Variants in SPAG16 observed in about 807,000 individuals in gnomAD.
SPAG16 encodes the protein sperm-associated antigen 16 protein.
Under a neutral mutation model 80.4 loss-of-function variants are expected in SPAG16, and 86 were observed. That is an observed-to-expected ratio of 1.07 (90% CI 0.90 to 1.28). The LOEUF (loss-of-function observed/expected upper bound fraction) is 1.28, where lower values mean the gene tolerates loss of function less well. SPAG16 is among the 50% of genes most tolerant of loss of function. SPAG16 has a pLI of 0.00. For missense variants in SPAG16, 870 were observed against 765.3 expected (o/e 1.14, Z -1.61); for synonymous variants, 294 against 265.9 (o/e 1.11, Z -1.03).
Position 213,585,564 on chromosome 2 carries a change from C to G in SPAG16, c.1070+95474C>G, listed in dbSNP as rs1392783213. Among the ~76,000 whole-genome samples, 4 of 152,094 alleles carry G rather than the reference C, an allele frequency of 2.6e-5. 1 individual carries two copies. ...AGTTCTGGGATTATGATGTAAGTAACCAGCCTGGCAGAAAGATTTTTTAGA... is the reference window on the plus strand; with the variant it reads ...AGTTCTGGGATTATGATGTAAGTAAGCAGCCTGGCAGAAAGATTTTTTAGA... On this transcript the variant is annotated intron_variant, in intron 10 of 15. Transcript: ENST00000331683.
At chr2:213,388,313 C>A (rs1180204521) in intron 9 of SPAG16, among the ~76,000 whole-genome samples, 2 of 152,212 alleles carry the variant, frequency 1.3e-5, no homozygotes, top group African/African-American at 4.8e-5. Flanking sequence ...CTCCATTATT[C>A]ACCCTTGTCT....
At chr2:213,753,557 G>A (rs576393169) in intron 10 of SPAG16, among the ~76,000 whole-genome samples, 2 of 152,286 alleles carry the variant, frequency 1.3e-5, no homozygotes, top group South Asian at 4.1e-4. Flanking sequence ...TTAGTTTCAT[G>A]TAATACTTTC....
At chr2:213,889,361 G>A (rs557465493) in intron 11 of SPAG16, among the ~76,000 whole-genome samples, 3 of 151,510 alleles carry the variant, frequency 2.0e-5, no homozygotes, top group Non-Finnish European at 4.4e-5. Context: ...GAATTATCTA[G>A]GTATGTAATC....
At chr2:214,246,084 G>A (rs965167312) in intron 15 of SPAG16, among the ~76,000 whole-genome samples, 1 of 151,822 alleles carries the variant, frequency 6.6e-6, no homozygotes, top group African/African-American at 2.4e-5. Flanking sequence ...TATATTAACT[G>A]TTTCTAGGTC....
In SPAG16 at chr2:214,365,697, C is replaced by T. The variant is rs376254213; in HGVS notation, c.1721-44443C>T. On this transcript the variant is annotated intron_variant, in intron 15 of 15. Transcript: ENST00000331683. The stretch of plus-strand genomic sequence containing the variant: ...CCTATACTTTAGATCTTTTGAAATA[C>T]ATTAATTTTCCCTGCTGTGAAAAAT... Among the ~76,000 whole-genome samples the T allele has an allele frequency of 4.6e-5, 7 of 152,196 alleles. No homozygotes were observed. The South Asian group carries it at 1.2e-3, about 27-fold the overall frequency.
At chr2:213,713,146 T>C (rs117458877) in intron 10 of SPAG16, among the ~76,000 whole-genome samples, 4,971 of 152,228 alleles carry the variant, frequency 0.033, 96 homozygotes, top group Middle Eastern at 0.048. Context: ...GCCCCCATGA[T>C]CTAATCACCT....
intron 5 of SPAG16, among the ~76,000 whole-genome samples, chr2:213,331,646 T>C (rs1221611896): frequency 6.6e-6 from 1 of 152,170 alleles, no homozygotes; most frequent in Non-Finnish European, 1.5e-5. Flanking sequence ...AGAACAAGTT[T>C]TAAAACATTC....
chr2:213,905,960 G>C (rs969479190), intron 11 of SPAG16, among the ~76,000 whole-genome samples: 1 of 152,124 alleles, frequency 6.6e-6, no homozygotes, highest in Non-Finnish European at 1.5e-5. Flanking sequence ...GCTGGGTTGA[G>C]TTGTCTAGCA....
chr2:214,122,083 T>A (rs1166291442), intron 14 of SPAG16, among the ~76,000 whole-genome samples: 1 of 151,774 alleles, frequency 6.6e-6, no homozygotes, highest in Non-Finnish European at 1.5e-5. Context: ...CAAATATGTA[T>A]AATATAAATT....
intron 12 of SPAG16, among the ~76,000 whole-genome samples, chr2:214,012,282 A>ACT (rs2047333320): frequency 2.0e-5 from 1 of 50,714 alleles, no homozygotes; most frequent in African/African-American, 1.2e-4. Context: ...ATATATATAT[A>ACT]TATATATTTT....
intron 13 of SPAG16, among the ~76,000 whole-genome samples, chr2:214,041,787 A>G (rs532935690): frequency 2.0e-5 from 3 of 151,682 alleles, no homozygotes; most frequent in Admixed American, 6.6e-5. Flanking sequence ...TTGTTGCAGT[A>G]TTTTCACACA....
intron 15 of SPAG16, among the ~76,000 whole-genome samples, chr2:214,337,625 A>AT (rs1697389250): frequency 6.6e-6 from 1 of 152,140 alleles, no homozygotes. Context: ...TCCTATGGGT[A>AT]TTTTTTACAG....
At chr2:214,330,127 A>AT (rs397987736) in intron 15 of SPAG16, among the ~76,000 whole-genome samples, 2 of 142,688 alleles carry the variant, frequency 1.4e-5, no homozygotes, top group South Asian at 2.3e-4. Context: ...AAAAAAAAAA[A>AT]GTAGCTGGGT....
At chr2:213,569,851 A>T (rs2059860398) in intron 10 of SPAG16, among the ~76,000 whole-genome samples, 1 of 135,530 alleles carries the variant, frequency 7.4e-6, no homozygotes, top group Non-Finnish European at 1.5e-5. Context: ...TTCGGCTGTG[A>T]ATCCATCTGG....
At chr2:213,350,303 A>C (rs2065255609) in intron 6 of SPAG16, among the ~76,000 whole-genome samples, 1 of 152,198 alleles carries the variant, frequency 6.6e-6, no homozygotes. Flanking sequence ...GAAATAGAGA[A>C]CTAGTTAAGA....
At chr2:213,805,410 G>A (rs866814585) in intron 10 of SPAG16, among the ~76,000 whole-genome samples, 4 of 152,112 alleles carry the variant, frequency 2.6e-5, no homozygotes, top group African/African-American at 7.2e-5. Flanking sequence ...ATATGTGGGC[G>A]GTGAAAACAT....
At chr2:213,353,184 C>A (rs918803878) in intron 7 of SPAG16, among the ~76,000 whole-genome samples, 3 of 152,192 alleles carry the variant, frequency 2.0e-5, no homozygotes, top group Non-Finnish European at 4.4e-5. Context: ...CTGGGTAGTT[C>A]TTTTGTATGT....
chr2:213,516,900 T>C (rs2075445965), intron 10 of SPAG16, among the ~76,000 whole-genome samples: 1 of 152,218 alleles, frequency 6.6e-6, no homozygotes, highest in African/African-American at 2.4e-5. Context: ...TTAATGAATT[T>C]ATTTAATTCA....
At chr2:213,452,835 T>C (rs1039275060) in intron 9 of SPAG16, among the ~76,000 whole-genome samples, 4 of 152,248 alleles carry the variant, frequency 2.6e-5, no homozygotes, top group Non-Finnish European at 5.9e-5. Context: ...CTTTGAAAGA[T>C]GGGCTATTGT....
Sources: allele counts gnomAD v4.1 joint callset (sites outside exome capture counted in the v4.1 genomes callset), GRCh38; gene constraint gnomAD v4.1.1; transcripts MANE v1.5; gene names NCBI Gene and HGNC (gene_info 2026-07-23, HGNC 2026-07-21).